TTBK2: variants seen among roughly 807,000 people sequenced by gnomAD.
TTBK2 encodes tau tubulin kinase 2.
A neutral mutation model predicts 110.8 loss-of-function variants in TTBK2; 28 were observed. The ratio of observed to expected loss-of-function variants is 0.25; its 90% confidence interval spans 0.19 to 0.35. The LOEUF is 0.35. TTBK2 is among the 10% of genes least tolerant of loss of function. The probability of loss-of-function intolerance (pLI) is 1.00; values close to 1 mark genes in which losing one functional copy is unlikely to be tolerated. For missense variants in TTBK2, 1,369 were observed against 1,500.3 expected (o/e 0.91, Z 1.45); for synonymous variants, 532 against 527.3 (o/e 1.01, Z -0.12).
At chr15:42,816,118 A>ATATATATATATATG (rs1235814767) in intron 7 of TTBK2, among the ~76,000 whole-genome samples, 12 of 104,160 alleles carry the variant, frequency 1.2e-4, no homozygotes, top group African/African-American at 3.9e-4. Flanking sequence ...ATATATATAT[A>ATATATATATATATG]TGTGTATATT....
In TTBK2 at chr15:42,838,616, C is replaced by T. The variant is rs555492013; in HGVS notation, c.291+1744G>A. Among the ~76,000 whole-genome samples the T allele has an allele frequency of 4.6e-5, 7 of 151,962 alleles. No homozygotes were observed. In the South Asian group the frequency reaches 1.0e-3, roughly 23 times the overall value. ...AGACCACCTGAGGTCAGGAGTTCAA[C>T]GCCAGCCTGGCCAACATGATGAAAT... On this transcript the variant is annotated intron_variant, in intron 4 of 14. Transcript: ENST00000267890.
At chr15:42,843,487 G>A (rs1020245443) in intron 3 of TTBK2, among the ~76,000 whole-genome samples, 1 of 152,088 alleles carries the variant, frequency 6.6e-6, no homozygotes, top group Non-Finnish European at 1.5e-5. Flanking sequence ...CTGGCTGGGC[G>A]CAGTGGCTCA....
intron 1 of TTBK2, among the ~76,000 whole-genome samples, chr15:42,881,012 T>C (rs1895018524): frequency 6.6e-6 from 1 of 152,096 alleles, no homozygotes; most frequent in Admixed American, 6.5e-5. Context: ...CTGGGCATGG[T>C]GGCTCATACC....
At chr15:42,836,464 C>T (rs898859481) in intron 4 of TTBK2, among the ~76,000 whole-genome samples, 3 of 152,100 alleles carry the variant, frequency 2.0e-5, no homozygotes, top group Non-Finnish European at 2.9e-5. Flanking sequence ...AATCCCAAAT[C>T]AAGTCAGCCA....
intron 11 of TTBK2, among the ~76,000 whole-genome samples, chr15:42,782,598 T>C (rs1478590031): frequency 1.3e-5 from 2 of 152,228 alleles, no homozygotes; most frequent in Admixed American, 6.5e-5. Flanking sequence ...GCTTAGTAAA[T>C]TGTCTTCAAT....
At chr15:42,865,482 G>C (rs927383566) in intron 3 of TTBK2, among the ~76,000 whole-genome samples, 10 of 128,500 alleles carry the variant, frequency 7.8e-5, no homozygotes, top group African/African-American at 2.7e-4. Context: ...ACAAAAGACA[G>C]AAAAAGAATG....
chr15:42,883,527 G>A (rs185338772), intron 1 of TTBK2, among the ~76,000 whole-genome samples: 1 of 151,846 alleles, frequency 6.6e-6, no homozygotes, highest in East Asian at 1.9e-4. Flanking sequence ...ATAACTCTAA[G>A]TAGATGGTAA....
Position 42,783,407 on chromosome 15 carries a change from A to G in TTBK2, c.1197+12T>C, listed in dbSNP as rs1240229014. On this transcript the variant is annotated intron_variant, in intron 11 of 14. Coordinates refer to ENST00000267890, the MANE Select transcript of TTBK2 (RefSeq NM_173500.4). ...AAGAAATAAATTTCTGTTGTTTATA[A>G]GGTACTCATACCTTACAAATTCCAA... is the stretch of plus-strand genomic sequence containing the variant. 1 of 1,610,574 alleles carries G rather than the reference A, an allele frequency of 6.2e-7. No homozygotes were observed. The highest frequency in any genetic ancestry group is 8.5e-7 in the Non-Finnish European group (1 of 1,176,932).
At chr15:42,763,194 T>TATATATA (rs1567009148) in intron 13 of TTBK2, among the ~76,000 whole-genome samples, 1 of 4,074 alleles carries the variant, frequency 2.5e-4, no homozygotes, top group African/African-American at 9.9e-4. Context: ...ATATATATAT[T>TATATATA]TTTTTTTTTT....
intron 1 of TTBK2, among the ~76,000 whole-genome samples, chr15:42,887,942 G>A (rs1253792415): frequency 3.6e-5 from 2 of 56,024 alleles, no homozygotes; most frequent in Non-Finnish European, 5.9e-5. Flanking sequence ...GTGCTCTCCC[G>A]CTGATCGTGT....
At chr15:42,746,963 A>ATTTTT (rs377241095) in intron 14 of TTBK2, among the ~76,000 whole-genome samples, 1 of 135,240 alleles carries the variant, frequency 7.4e-6, no homozygotes, top group African/African-American at 2.8e-5. Flanking sequence ...TGGGCCTCAG[A>ATTTTT]TTTTTTTTTT....
chr15:42,863,176 C>A (rs2141087911), intron 3 of TTBK2, among the ~76,000 whole-genome samples: 1 of 152,246 alleles, frequency 6.6e-6, no homozygotes, highest in East Asian at 1.9e-4. Context: ...CCTAAAGATT[C>A]CACCAAAAGG....
intron 2 of TTBK2, among the ~76,000 whole-genome samples, chr15:42,878,150 C>CTT (rs530318163): frequency 1.4e-5 from 2 of 138,198 alleles, no homozygotes; most frequent in East Asian, 2.1e-4. Context: ...ATTTTTTTTG[C>CTT]TTTTTTTTTT....
At chr15:42,909,168 C>T (rs901670985) in intron 1 of TTBK2, among the ~76,000 whole-genome samples, 3 of 152,174 alleles carry the variant, frequency 2.0e-5, no homozygotes, top group Non-Finnish European at 2.9e-5. Context: ...ACTATGTTCT[C>T]CAGGCTGGAG....
At chr15:42,827,201 G>A (rs1456877424) in intron 6 of TTBK2, among the ~76,000 whole-genome samples, 2 of 152,156 alleles carry the variant, frequency 1.3e-5, no homozygotes, top group Non-Finnish European at 2.9e-5. Flanking sequence ...CAACAGCAGA[G>A]TCTTAATACT....
chr15:42,871,580 T>C, intron 3 of TTBK2: 4 of 985,378 alleles, frequency 4.1e-6, no homozygotes, highest in Non-Finnish European at 4.8e-6. Context: ...CCCAGGAAGA[T>C]GTAGCTCTGG....
intron 1 of TTBK2, among the ~76,000 whole-genome samples, chr15:42,879,800 C>T (rs983832081): frequency 6.6e-6 from 1 of 151,896 alleles, no homozygotes; most frequent in Non-Finnish European, 1.5e-5. Context: ...AGTTTGAGAC[C>T]AGCCTAGCCA....
rs749891788 is a variant in TTBK2 at position 42,829,983 on chromosome 15, A to C, written c.387T>G (p.Ile129Met). Residue 129 changes from isoleucine to methionine, a missense_variant, in exon 5 of 15, where the codon ATT becomes ATG. Ile to Met is a conservative substitution (Grantham distance 10, BLOSUM62 1). Transcript: ENST00000267890. ...AGAATCCCACAGAATGAATGCTTTC[A>C]ATAGACTCCAAAATCTGTCTACCCA... ...LRLGRQILES[I>M]ESIHSVGFLH... 2 of 1,614,178 alleles carry C rather than the reference A, an allele frequency of 1.2e-6. No homozygotes were observed. Among genetic ancestry groups the C allele is most frequent in the East Asian group, 4.5e-5 (2 of 44,874 alleles).
At chr15:42,882,315 A>G (rs1423537737) in intron 1 of TTBK2, among the ~76,000 whole-genome samples, 2 of 151,828 alleles carry the variant, frequency 1.3e-5, no homozygotes, top group African/African-American at 4.8e-5. Context: ...TAACTAGAAA[A>G]CAGCCAGGCA....
Sources: gnomAD v4.1 joint callset for allele counts (sites outside exome capture counted in the v4.1 genomes callset) on GRCh38, gnomAD v4.1.1 for gene constraint, MANE v1.5 for transcripts, NCBI Gene and HGNC (gene_info 2026-07-23, HGNC 2026-07-21) for gene names.